The following FMN2 variants were observed in gnomAD, a reference collection of about 807,000 sequenced individuals.
FMN2 encodes formin-2.
A neutral mutation model predicts 142.3 loss-of-function variants in FMN2; 51 were observed. The ratio of observed to expected loss-of-function variants is 0.36; its 90% CI spans 0.29 to 0.45. The LOEUF is 0.45. Ranked by LOEUF, FMN2 falls within the 20% of genes least tolerant of loss-of-function variation. FMN2 has a pLI of 1.00. For missense variants in FMN2, 1,936 were observed against 2,122.8 expected, an observed-to-expected ratio of 0.91 and a Z score of 1.73; for synonymous variants, 882 against 869.8, an observed-to-expected ratio of 1.01 and a Z score of -0.25.
intron 13 of FMN2, among the ~76,000 whole-genome samples, chr1:240,341,189 T>C (rs892844750): frequency 6.6e-6 from 1 of 152,232 alleles, no homozygotes; most frequent in Non-Finnish European, 1.5e-5. Flanking sequence ...TCTAATGTTT[T>C]TATCATATTC....
At chr1:240,246,159 G>A (rs1366522576) in intron 6 of FMN2, among the ~76,000 whole-genome samples, 3 of 151,190 alleles carry the variant, frequency 2.0e-5, no homozygotes, top group South Asian at 2.1e-4. Flanking sequence ...CAGCCTGGGC[G>A]ACAGAGCGAG....
intron 6 of FMN2, among the ~76,000 whole-genome samples, chr1:240,216,332 G>GT (rs1211584694): frequency 1.3e-5 from 2 of 152,196 alleles, no homozygotes; most frequent in Non-Finnish European, 1.5e-5. Flanking sequence ...TACCCAGAAT[G>GT]TAAATTTGCA....
chr1:240,270,888 A>G (rs1232364258), intron 7 of FMN2, among the ~76,000 whole-genome samples: 1 of 151,922 alleles, frequency 6.6e-6, no homozygotes, highest in Non-Finnish European at 1.5e-5. Context: ...ACAAAGTCTC[A>G]TTTAGATAGG....
At chr1:240,337,585 A>T (rs185255798) in intron 13 of FMN2, among the ~76,000 whole-genome samples, 2 of 152,330 alleles carry the variant, frequency 1.3e-5, no homozygotes, top group African/African-American at 4.8e-5. Context: ...ATTTATCTCA[A>T]TACCTTTCAT....
In FMN2 at chr1:240,208,651, A is replaced by G. The variant is rs373721402; in HGVS notation, c.3839A>G (p.Lys1280Arg). 14 of 1,613,810 alleles carry G rather than the reference A, an allele frequency of 8.7e-6. No individual in the cohort carries two copies. In the African/African-American group the frequency reaches 1.5e-4, roughly 17 times the overall value. ...GLFGLGMNQD[K>R]GSRKQPIEPC... Reference sequence around the variant, plus strand: ...TTTGGATTAGGGATGAATCAGGACAAAGGGAGTAGGAAGCAGCCCATAGAG... The same window carrying G: ...TTTGGATTAGGGATGAATCAGGACAGAGGGAGTAGGAAGCAGCCCATAGAG... The change falls in exon 5 of 18, where the codon AAA becomes AGA. Residue 1280 changes from lysine to arginine, a missense_variant. Physicochemically the swap from Lys to Arg is conservative, Grantham distance 26. Around this residue, in one of 8 missense-constraint regions of FMN2, gnomAD observed 259 missense variants for 230.9 expected, o/e 1.12. Transcript: ENST00000319653.
At chr1:240,369,648 G>T (rs1672797401) in intron 14 of FMN2, among the ~76,000 whole-genome samples, 1 of 152,150 alleles carries the variant, frequency 6.6e-6, no homozygotes, top group Non-Finnish European at 1.5e-5. Flanking sequence ...TAGGTTCAAA[G>T]TAAATTCCTT....
At chr1:240,368,955 T>TTATATATATATATA (rs10671772) in intron 14 of FMN2, among the ~76,000 whole-genome samples, 23 of 148,084 alleles carry the variant, frequency 1.6e-4, no homozygotes, top group African/African-American at 5.8e-4. Context: ...AACACAATGT[T>TTATATATATATATA]TATATATATA....
intron 1 of FMN2, among the ~76,000 whole-genome samples, chr1:240,105,455 A>T (rs1010018627): frequency 3.5e-4 from 54 of 152,272 alleles, no homozygotes; most frequent in African/African-American, 1.3e-3. Context: ...TGAGTTTCTT[A>T]AAAAATCCTG....
intron 15 of FMN2, among the ~76,000 whole-genome samples, chr1:240,432,350 G>T (rs1675206845): frequency 6.6e-6 from 1 of 151,878 alleles, no homozygotes; most frequent in Admixed American, 6.5e-5. Flanking sequence ...AAAGATGACT[G>T]CTTTCATCCC....
At chr1:240,358,175 T>C (rs1490555466) in intron 14 of FMN2, among the ~76,000 whole-genome samples, 3 of 152,242 alleles carry the variant, frequency 2.0e-5, no homozygotes, top group African/African-American at 7.2e-5. Context: ...CTTTTAATGC[T>C]TTCAGTATGC....
Position 240,355,807 on chromosome 1 carries a change from T to C in FMN2, c.4766-9T>C. The C allele has an allele frequency of 6.2e-7, 1 of 1,601,136 alleles. No homozygotes were observed. Among genetic ancestry groups the C allele is most frequent in the South Asian group, 1.1e-5 (1 of 90,510 alleles). ...GTGACACTCTAAATAATGTTCTGTC[T>C]AATTTCAGCCTGTGAAGTTGAAGCA... On this transcript the variant is annotated splice_polypyrimidine_tract_variant and intron_variant, in intron 13 of 17. Transcript: ENST00000319653.
At chr1:240,330,991 AC>A (rs1273944469) in intron 11 of FMN2, among the ~76,000 whole-genome samples, 29 of 152,322 alleles carry the variant, frequency 1.9e-4, no homozygotes, top group African/African-American at 6.7e-4. Context: ...TAATATAAAA[AC>A]AATACAAAAT....
chr1:240,339,063 G>A (rs998301130), intron 13 of FMN2, among the ~76,000 whole-genome samples: 12 of 152,128 alleles, frequency 7.9e-5, no homozygotes, highest in Admixed American at 6.5e-4. Flanking sequence ...GAGCTCAGGC[G>A]GTAATGCTTG....
intron 1 of FMN2, among the ~76,000 whole-genome samples, chr1:240,115,884 T>G (rs1463458525): frequency 1.3e-5 from 2 of 152,210 alleles, no homozygotes; most frequent in Non-Finnish European, 2.9e-5. Flanking sequence ...CTTGATCATA[T>G]GCTAAACAAG....
At chr1:240,178,543 G>A (rs1019101161) in intron 3 of FMN2, among the ~76,000 whole-genome samples, 14 of 150,672 alleles carry the variant, frequency 9.3e-5, no homozygotes, top group African/African-American at 3.4e-4. Flanking sequence ...CCTGGCTCAA[G>A]CGATTCTCCC....
intron 6 of FMN2, among the ~76,000 whole-genome samples, chr1:240,252,450 G>A (rs1668307188): frequency 6.6e-6 from 1 of 151,920 alleles, no homozygotes; most frequent in Admixed American, 6.6e-5. Context: ...CAGTCTTTTG[G>A]TGATTAGTAC....
chr1:240,201,256 G>A (rs1189033667), intron 4 of FMN2, among the ~76,000 whole-genome samples: 1 of 152,114 alleles, frequency 6.6e-6, no homozygotes, highest in Admixed American at 6.6e-5. Context: ...CCATCCTTTA[G>A]TTTGGCAGGG....
At chr1:240,342,979 A>T (rs1309752831) in intron 13 of FMN2, among the ~76,000 whole-genome samples, 1 of 152,166 alleles carries the variant, frequency 6.6e-6, no homozygotes, top group Non-Finnish European at 1.5e-5. Flanking sequence ...GGAAAAAAAA[A>T]ATAGTATTTC....
At position 240,093,626 on chromosome 1, in the gene FMN2, G is replaced by A; in HGVS notation, c.1517G>A (p.Gly506Glu). The change falls in exon 1 of 18, where the codon GGG becomes GAG. Residue 506 changes from glycine (G) to glutamate (E), a missense_variant. Around this residue, in one of 8 missense-constraint regions of FMN2, gnomAD observed 751 missense variants for 791.8 expected, o/e 0.95. Coordinates refer to ENST00000319653, the MANE Select transcript of FMN2 (RefSeq NM_020066.5). ...GGCTCCGCGCACCTGCTGGAGCGCGGGGTGGCGAGTGACAGCGGCGGTGGG... is the reference window on the plus strand; with the variant it reads ...GGCTCCGCGCACCTGCTGGAGCGCGAGGTGGCGAGTGACAGCGGCGGTGGG... ...VGGSAHLLER[G>E]VASDSGGGVS... 7.0e-7 allele frequency: 1 copy of A among 1,423,936 alleles called. No homozygotes were observed. Among genetic ancestry groups the A allele is most frequent in the Non-Finnish European group, 9.1e-7 (1 of 1,100,524 alleles). 88.2% of individuals were successfully genotyped at this position (1,423,936 alleles called of 1,614,324 possible). A position where few individuals can be genotyped will look rare whatever the true frequency, so the allele number is the denominator to read the frequency against.
Sources: allele counts gnomAD v4.1 joint callset (sites outside exome capture counted in the v4.1 genomes callset), GRCh38; gene constraint gnomAD v4.1.1; regional missense constraint gnomAD v4.1.1; transcripts MANE v1.5; gene names NCBI Gene and HGNC (gene_info 2026-07-23, HGNC 2026-07-21).